The following CDRT4 variants were observed in gnomAD, a reference collection of about 807,000 sequenced individuals.
The protein encoded by CDRT4 is CMT1A duplicated region transcript 4 protein.
For missense variants in CDRT4, 167 were observed against 193.1 expected, an observed-to-expected ratio of 0.87 and a Z score of 0.80; for synonymous variants, 64 against 69.6, an observed-to-expected ratio of 0.92 and a Z score of 0.40.
In CDRT4 at chr17:15,450,757, G is replaced by T. The variant is rs1597462816; in HGVS notation, c.-48+2247C>A. On this transcript the variant is annotated intron_variant, in intron 2 of 3. Transcript: ENST00000619038. This position sits in a 1 kb window ranked among gnomAD's most constrained non-coding sequence, Gnocchi z 4.2. ...CTAATAACCTCTCAAACTTTTCATG[G>T]TTCAAACAAACTCTTGACCTTACTC... 6.6e-6 allele frequency among the ~76,000 whole-genome samples: 1 copy of T among 151,990 alleles called. No homozygotes were observed. Among genetic ancestry groups the T allele is most frequent in the South Asian group, 2.1e-4 (1 of 4,820 alleles).
At chr17:15,463,073 T>C (rs1226518796) in intron 1 of CDRT4, among the ~76,000 whole-genome samples, 3 of 152,010 alleles carry the variant, frequency 2.0e-5, no homozygotes, top group Non-Finnish European at 4.4e-5. Flanking sequence ...GAAATGAAGA[T>C]TGTCGAGATG....
chr17:15,465,059 C>CCAATACAGACACACA (rs1979942368), intron 1 of CDRT4, among the ~76,000 whole-genome samples: 1 of 145,670 alleles, frequency 6.9e-6, no homozygotes, highest in African/African-American at 2.6e-5. Context: ...CAGACACACA[C>CCAATACAGACACACA]CAACACAGAC....
chr17:15,443,647 C>T (rs905453064), intron 2 of CDRT4: 8 of 357,720 alleles, frequency 2.2e-5, no homozygotes, highest in African/African-American at 1.5e-4. Flanking sequence ...GAATGAAGAC[C>T]GTTCTCAGCA....
At chr17:15,461,509 C>G (rs1244736794) in intron 1 of CDRT4, among the ~76,000 whole-genome samples, 1 of 152,198 alleles carries the variant, frequency 6.6e-6, no homozygotes, top group East Asian at 1.9e-4. Context: ...TGGTCTGCTT[C>G]CTTAGTACCA....
chr17:15,463,881 G>T (rs961859409), intron 1 of CDRT4, among the ~76,000 whole-genome samples: 8 of 152,180 alleles, frequency 5.3e-5, no homozygotes, highest in Admixed American at 2.6e-4. Flanking sequence ...GTCTGGCCAG[G>T]GATCAGTAGC....
intron 2 of CDRT4, 63 bp from the exon 3 acceptor site, chr17:15,440,348 C>A: frequency 6.4e-7 from 1 of 1,574,662 alleles, no homozygotes; most frequent in South Asian, 1.1e-5. Context: ...AGTAGCCACC[C>A]TGGGTGGGGG....
At chr17:15,451,459 C>T (rs1419404588) in intron 2 of CDRT4, among the ~76,000 whole-genome samples, 1 of 141,558 alleles carries the variant, frequency 7.1e-6, no homozygotes. Flanking sequence ...AATCATCCCC[C>T]TGCCTAACAT....
At position 15,450,302 on chromosome 17, in the gene CDRT4, C is replaced by A. The variant is rs1190002615; in HGVS notation, c.-48+2702G>T. 6.6e-6 allele frequency among the ~76,000 whole-genome samples: 1 copy of A among 152,044 alleles called. No homozygotes were observed. Among genetic ancestry groups the A allele is most frequent in the African/African-American group, 2.4e-5 (1 of 41,392 alleles). On this transcript the variant is annotated intron_variant, in intron 2 of 3. Coordinates refer to ENST00000619038, the MANE Select transcript of CDRT4 (RefSeq NM_001204477.2). This position sits in a 1 kb window ranked among gnomAD's most constrained non-coding sequence, Gnocchi z 4.2. ...CCTCATCTCCCACCATCACTCGTACCAACTCTCCACCATAAGCTCCCCTGC... is the reference window on the plus strand; with the variant it reads ...CCTCATCTCCCACCATCACTCGTACAAACTCTCCACCATAAGCTCCCCTGC...
Position 15,437,546 on chromosome 17 carries a change from T to C in CDRT4, c.*227A>G. The C allele has an allele frequency of 3.5e-6, 2 of 577,208 alleles. No homozygotes were observed. The highest frequency in any genetic ancestry group is 1.9e-5 in the African/African-American group (1 of 53,662). The allele number at this position is 577,208 out of a possible 1,614,324, so 35.8% of individuals were successfully genotyped here. A position where few individuals can be genotyped will look rare whatever the true frequency, so the allele number is the denominator to read the frequency against. On this transcript the variant is annotated 3_prime_UTR_variant, in exon 4 of 4. Coordinates refer to ENST00000619038, the MANE Select transcript of CDRT4 (RefSeq NM_001204477.2). ...TGCAGCAGAGACTAGAGCCAGGGAC[T>C]GCCCAAACCCACCAGAGAGCAGTGT...
At chr17:15,460,387 C>T (rs1276162144) in intron 1 of CDRT4, among the ~76,000 whole-genome samples, 1 of 138,792 alleles carries the variant, frequency 7.2e-6, no homozygotes, top group African/African-American at 3.2e-5. Flanking sequence ...ATTATGACAA[C>T]TACTACTGCT....
rs1007757982 is a variant in CDRT4, at chr17:15,465,106, C to T, written c.-130+2354G>A. Among the ~76,000 whole-genome samples, 12 of 137,142 alleles carry T rather than the reference C, an allele frequency of 8.8e-5. 1 individual carries two copies. The highest frequency in any genetic ancestry group is 6.1e-5 in the Non-Finnish European group (4 of 65,934). 90.0% of individuals were successfully genotyped at this position (137,142 alleles called of 152,430 possible). On this transcript the variant is annotated intron_variant, in intron 1 of 3. Transcript: ENST00000619038. Reference sequence around the variant, plus strand: ...CAGACACACACAACACAGACACACACCAACACACAGACACACCAACACACA... The same window carrying T: ...CAGACACACACAACACAGACACACATCAACACACAGACACACCAACACACA...
chr17:15,447,529 T>C (rs1979081188), intron 2 of CDRT4, among the ~76,000 whole-genome samples: 1 of 152,214 alleles, frequency 6.6e-6, no homozygotes, highest in Non-Finnish European at 1.5e-5. Context: ...GCATGTGAAT[T>C]ATAATGCTGA....
chr17:15,465,806 G>A (rs573037422), intron 1 of CDRT4, among the ~76,000 whole-genome samples: 2 of 152,340 alleles, frequency 1.3e-5, no homozygotes, highest in Non-Finnish European at 2.9e-5. Context: ...GGGAAGAGGG[G>A]GAGGGAGCCT....
At chr17:15,466,593 T>C (rs1980053857) in intron 1 of CDRT4, among the ~76,000 whole-genome samples, 2 of 152,184 alleles carry the variant, frequency 1.3e-5, no homozygotes, top group African/African-American at 4.8e-5. Context: ...GGCACGATCA[T>C]GGCTCACTGC....
At position 15,437,345 on chromosome 17, in the gene CDRT4, A is replaced by G; in HGVS notation, c.*428T>C. ...CATCTTCCCCTTGTTCCCAAGCCTC[A>G]AGTGTGATGCCTGCTTCCTGTGGTG... On this transcript the variant is annotated 3_prime_UTR_variant, in exon 4 of 4. Coordinates refer to ENST00000619038, the MANE Select transcript of CDRT4 (RefSeq NM_001204477.2). 1 of 214,308 alleles carries G rather than the reference A, an allele frequency of 4.7e-6. No individual in the cohort carries two copies. The highest frequency in any genetic ancestry group is 9.4e-6 in the Non-Finnish European group (1 of 106,304). The allele number at this position is 214,308 out of a possible 1,614,324, so 13.3% of individuals were successfully genotyped here.
Position 15,437,379 on chromosome 17 carries a change from A to G in CDRT4, c.*394T>C. 1 of 239,174 alleles carries G rather than the reference A, an allele frequency of 4.2e-6. No individual in the cohort carries two copies. Among genetic ancestry groups the G allele is most frequent in the Non-Finnish European group, 8.2e-6 (1 of 122,044 alleles). The allele number at this position is 239,174 out of a possible 1,614,324, so 14.8% of individuals were successfully genotyped here. A position where few individuals can be genotyped will look rare whatever the true frequency, so the allele number is the denominator to read the frequency against. ...GCCTGCTTCCTGTGGTGCTACCTCC[A>G]TGGATACCTTTGTATTCCCTTCCTG... On this transcript the variant is annotated 3_prime_UTR_variant, in exon 4 of 4. Coordinates refer to ENST00000619038, the MANE Select transcript of CDRT4 (RefSeq NM_001204477.2).
chr17:15,462,288 C>T (rs955647290), intron 1 of CDRT4, among the ~76,000 whole-genome samples: 3 of 151,850 alleles, frequency 2.0e-5, no homozygotes, highest in Non-Finnish European at 2.9e-5. Context: ...ATTAGCCAGC[C>T]GTGGTGGCGG....
In CDRT4 at chr17:15,439,752, T is replaced by C. The variant is rs553271570; in HGVS notation, c.31+456A>G. 6.1e-4 allele frequency among the ~76,000 whole-genome samples: 93 copies of C among 152,236 alleles called. 1 individual carries two copies. The highest frequency in any genetic ancestry group is 3.7e-3 in the Admixed American group (56 of 15,294). On this transcript the variant is annotated intron_variant, in intron 3 of 3. Coordinates refer to ENST00000619038, the MANE Select transcript of CDRT4 (RefSeq NM_001204477.2). ...GGCACATACACACCATGGAATACTA[T>C]GCAGCCATAAAAAATGATGAGTTCA...
chr17:15,438,490 T>A (rs1978608495), intron 3 of CDRT4, among the ~76,000 whole-genome samples: 1 of 152,186 alleles, frequency 6.6e-6, no homozygotes, highest in Admixed American at 6.5e-5. Flanking sequence ...GAACTTCTAT[T>A]TTTTCACCAA....
Sources: allele counts gnomAD v4.1 joint callset (sites outside exome capture counted in the v4.1 genomes callset), GRCh38; gene constraint gnomAD v4.1.1; non-coding constraint Gnocchi (gnomAD v3.1); transcripts MANE v1.5; gene names NCBI Gene and HGNC (gene_info 2026-07-23, HGNC 2026-07-21).